Variants in NBEA observed in about 807,000 individuals in gnomAD.
NBEA encodes lysosomal-trafficking regulator 2.
Under a neutral mutation model 343.4 loss-of-function variants are expected in NBEA, and 44 were observed. The observed-to-expected ratio is 0.13, with a 90% CI of 0.10 to 0.16. The LOEUF is 0.16. Among genes scored for constraint, NBEA ranks in the 10% least tolerant of loss-of-function variants. NBEA has a pLI of 1.00. For missense variants in NBEA, 2,555 were observed against 3,631.3 expected (o/e 0.70, Z 7.62); for synonymous variants, 1,175 against 1,238.7 (o/e 0.95, Z 1.08).
intron 45 of NBEA, among the ~76,000 whole-genome samples, chr13:35,572,358 A>T (rs893590678): frequency 6.6e-6 from 1 of 152,212 alleles, no homozygotes; most frequent in Non-Finnish European, 1.5e-5. Flanking sequence ...GCCCTCTGAT[A>T]AGTGAAATAG....
rs1289775533 is a variant in NBEA, at chr13:35,376,203, T to C, written c.6179+23880T>C. 2.6e-5 allele frequency among the ~76,000 whole-genome samples: 4 copies of C among 152,156 alleles called. 1 individual carries two copies. The highest frequency in any genetic ancestry group is 5.9e-5 in the Non-Finnish European group (4 of 68,018). ...AACTTTTCCATTACGGGTGCTGTTG[T>C]CAAGTACAGAGCCTTTGCACATTAT... On this transcript the variant is annotated intron_variant, in intron 38 of 58. Transcript: ENST00000379939.
At position 35,040,919 on chromosome 13, in the gene NBEA, C is replaced by T; in HGVS notation, c.295-14C>T. ...CCCATGTTAACACTATTGTTTCTTT[C>T]TGTTTACTTTCAGCTGGTTGGTGGA... On this transcript the variant is annotated splice_polypyrimidine_tract_variant and intron_variant, in intron 1 of 58. Coordinates refer to ENST00000379939, the MANE Select transcript of NBEA (RefSeq NM_001385012.1). 6.2e-7 allele frequency: 1 copy of T among 1,601,732 alleles called. No homozygotes were observed. The highest frequency in any genetic ancestry group is 8.6e-7 in the Non-Finnish European group (1 of 1,169,218).
intron 40 of NBEA, among the ~76,000 whole-genome samples, chr13:35,471,373 C>G (rs780540636): frequency 8.5e-5 from 13 of 152,130 alleles, no homozygotes; most frequent in Non-Finnish European, 8.8e-5. Context: ...TGCCTTTCTC[C>G]GACTGTTATT....
chr13:35,183,085 A>T (rs937907699), intron 29 of NBEA, among the ~76,000 whole-genome samples: 2 of 152,052 alleles, frequency 1.3e-5, no homozygotes, highest in Non-Finnish European at 2.9e-5. Flanking sequence ...GACAACAATG[A>T]ACCACCTTGG....
chr13:34,980,144 A>G (rs1462802644), intron 1 of NBEA, among the ~76,000 whole-genome samples: 1 of 151,822 alleles, frequency 6.6e-6, no homozygotes, highest in Non-Finnish European at 1.5e-5. Context: ...AAGTTTTCCA[A>G]TTTGTTGTTG....
At chr13:35,336,460 C>T (rs1461131680) in intron 36 of NBEA, among the ~76,000 whole-genome samples, 3 of 152,020 alleles carry the variant, frequency 2.0e-5, no homozygotes, top group Non-Finnish European at 2.9e-5. Flanking sequence ...CGGAAAGTAG[C>T]GTGGCACTTC....
At chr13:35,662,498 T>C (rs1025434677) in intron 55 of NBEA, among the ~76,000 whole-genome samples, 8 of 152,148 alleles carry the variant, frequency 5.3e-5, no homozygotes, top group African/African-American at 1.9e-4. Flanking sequence ...AAATGAAATA[T>C]AGGAAACAAG....
At chr13:35,428,004 G>A (rs1030608134) in intron 38 of NBEA, among the ~76,000 whole-genome samples, 16 of 152,180 alleles carry the variant, frequency 1.1e-4, no homozygotes, top group African/African-American at 3.6e-4. Context: ...TAGGGTGGGA[G>A]TGACCTGATT....
intron 45 of NBEA, among the ~76,000 whole-genome samples, 159 bp downstream of exon 45, chr13:35,567,176 G>T (rs530897174): frequency 6.6e-6 from 1 of 152,240 alleles, no homozygotes; most frequent in East Asian, 1.9e-4. Context: ...TCTTAGCACA[G>T]GAATTAAGCT....
chr13:35,315,812 G>A (rs1054233064), intron 36 of NBEA, among the ~76,000 whole-genome samples: 1 of 152,062 alleles, frequency 6.6e-6, no homozygotes, highest in Admixed American at 6.6e-5. Context: ...GCACCAATTT[G>A]AATGTATTCT....
intron 35 of NBEA, among the ~76,000 whole-genome samples, chr13:35,308,514 GTA>G (rs1566597467): frequency 9.0e-6 from 1 of 111,564 alleles, no homozygotes; most frequent in South Asian, 2.7e-4. Context: ...ATATATATGT[GTA>G]TATATGTATA....
intron 1 of NBEA, among the ~76,000 whole-genome samples, chr13:34,980,364 C>A (rs1406608691): frequency 2.0e-5 from 3 of 151,810 alleles, no homozygotes; most frequent in Non-Finnish European, 4.4e-5. Flanking sequence ...TTTACTAGAT[C>A]TTTTAAAAAT....
At chr13:35,507,421 C>T (rs1566239205) in intron 41 of NBEA, among the ~76,000 whole-genome samples, 1 of 152,090 alleles carries the variant, frequency 6.6e-6, no homozygotes, top group Non-Finnish European at 1.5e-5. Flanking sequence ...TCTTGAACTT[C>T]AGGCTCTTAT....
At chr13:35,371,814 C>G (rs1284594972) in intron 38 of NBEA, among the ~76,000 whole-genome samples, 1 of 152,148 alleles carries the variant, frequency 6.6e-6, no homozygotes, top group East Asian at 1.9e-4. Context: ...GGGTAGGGCA[C>G]TTTGGCCTGA....
intron 17 of NBEA, among the ~76,000 whole-genome samples, chr13:35,129,958 C>T (rs2152684352): frequency 6.6e-6 from 1 of 152,098 alleles, no homozygotes; most frequent in South Asian, 2.1e-4. Flanking sequence ...ATAGATTGAC[C>T]CAAATACTTA....
At chr13:35,129,090 T>C (rs2067278533) in intron 17 of NBEA, among the ~76,000 whole-genome samples, 1 of 149,206 alleles carries the variant, frequency 6.7e-6, no homozygotes, top group Non-Finnish European at 1.5e-5. Context: ...GGGATAGCAT[T>C]AGGAGATATA....
At chr13:35,038,186 G>A (rs1298111381) in intron 1 of NBEA, among the ~76,000 whole-genome samples, 1 of 152,010 alleles carries the variant, frequency 6.6e-6, no homozygotes, top group African/African-American at 2.4e-5. Context: ...GAGTACCACC[G>A]ACATTCCCTT....
intron 38 of NBEA, among the ~76,000 whole-genome samples, chr13:35,382,106 G>C (rs2042043082): frequency 6.6e-6 from 1 of 152,066 alleles, no homozygotes; most frequent in Admixed American, 6.5e-5. Flanking sequence ...TCTGAGTGAT[G>C]AATGTGAGGG....
At chr13:35,286,202 A>G (rs1566568009) in intron 34 of NBEA, among the ~76,000 whole-genome samples, 1 of 152,160 alleles carries the variant, frequency 6.6e-6, no homozygotes, top group African/African-American at 2.4e-5. Flanking sequence ...TGTCAGGCAC[A>G]TTAGACAATA....
Sources: gnomAD v4.1 joint callset for allele counts (sites outside exome capture counted in the v4.1 genomes callset) on GRCh38, gnomAD v4.1.1 for gene constraint, MANE v1.5 for transcripts, NCBI Gene and HGNC (gene_info 2026-07-23, HGNC 2026-07-21) for gene names.